The following DCC variants were observed in gnomAD, a reference collection of about 807,000 sequenced individuals.
DCC encodes the protein DCC netrin 1 receptor, also known as netrin receptor DCC.
Under a neutral mutation model 172.5 loss-of-function variants are expected in DCC, and 58 were observed. That is an observed-to-expected ratio of 0.34 (90% CI 0.27 to 0.42). The LOEUF (loss-of-function observed/expected upper bound fraction) is 0.42. Among genes scored for constraint, DCC ranks in the 10% least tolerant of loss-of-function variants. DCC has a pLI of 1.00. For missense variants in DCC, 1,740 were observed against 1,791.0 expected (o/e 0.97, Z 0.51); for synonymous variants, 709 against 644.5 (o/e 1.10, Z -1.52).
At chr18:52,774,282 T>C (rs1438408820) in intron 2 of DCC, among the ~76,000 whole-genome samples, 1 of 152,166 alleles carries the variant, frequency 6.6e-6, no homozygotes, top group Non-Finnish European at 1.5e-5. Flanking sequence ...CACTCAAGTA[T>C]AAAAACTACT....
chr18:52,688,483 A>G (rs1242988032), intron 1 of DCC, among the ~76,000 whole-genome samples: 2 of 152,136 alleles, frequency 1.3e-5, no homozygotes, highest in Non-Finnish European at 2.9e-5. Flanking sequence ...AAAATGCTAC[A>G]AAAAGAAGGA....
intron 21 of DCC, among the ~76,000 whole-genome samples, chr18:53,424,039 A>G (rs571483347): frequency 1.3e-5 from 2 of 152,360 alleles, no homozygotes; most frequent in African/African-American, 4.8e-5. Flanking sequence ...AGGAAAAAGT[A>G]TATTCAATAA....
chr18:52,902,439 T>A (rs2039823388), intron 2 of DCC, among the ~76,000 whole-genome samples: 1 of 152,190 alleles, frequency 6.6e-6, no homozygotes, highest in African/African-American at 2.4e-5. Flanking sequence ...AACCAGGCTT[T>A]TTCCATGAAT....
At chr18:53,491,898 C>T (rs1006104815) in intron 26 of DCC, among the ~76,000 whole-genome samples, 1 of 152,192 alleles carries the variant, frequency 6.6e-6, no homozygotes, top group African/African-American at 2.4e-5. Context: ...CTGTCTTCCA[C>T]AATGGTTGAG....
intron 5 of DCC, among the ~76,000 whole-genome samples, chr18:52,933,245 A>G (rs2040334161): frequency 6.6e-6 from 1 of 152,118 alleles, no homozygotes; most frequent in Non-Finnish European, 1.5e-5. Flanking sequence ...CATTCCGCCA[A>G]GTAGTCTTTG....
intron 1 of DCC, among the ~76,000 whole-genome samples, chr18:52,671,847 A>G (rs948608631): frequency 6.6e-6 from 1 of 152,026 alleles, no homozygotes; most frequent in Non-Finnish European, 1.5e-5. Context: ...CATATGCTGA[A>G]CTTTTTCCCA....
intron 1 of DCC, among the ~76,000 whole-genome samples, chr18:52,702,720 G>A (rs952977288): frequency 6.6e-6 from 1 of 152,026 alleles, no homozygotes; most frequent in Non-Finnish European, 1.5e-5. Flanking sequence ...TGGCCTTGTG[G>A]GGAATTCACA....
intron 1 of DCC, among the ~76,000 whole-genome samples, chr18:52,389,783 CA>C (rs1370475756): frequency 2.6e-5 from 4 of 152,026 alleles, no homozygotes; most frequent in Non-Finnish European, 5.9e-5. Context: ...GGTCCTCCAT[CA>C]TTTGATTTAT....
intron 1 of DCC, among the ~76,000 whole-genome samples, chr18:52,448,770 C>T (rs907730409): frequency 6.6e-6 from 1 of 152,190 alleles, no homozygotes; most frequent in Non-Finnish European, 1.5e-5. Context: ...GAGTGAGTAA[C>T]ACTTTGTACT....
At chr18:52,927,151 A>ATATACGTATATACGTG (rs1568192226) in intron 5 of DCC, among the ~76,000 whole-genome samples, 1 of 60,270 alleles carries the variant, frequency 1.7e-5, no homozygotes, top group Non-Finnish European at 4.0e-5. Flanking sequence ...ATATATGTGT[A>ATATACGTATATACGTG]TATATACGTA....
At chr18:53,044,352 A>G (rs1345413741) in intron 5 of DCC, among the ~76,000 whole-genome samples, 1 of 151,890 alleles carries the variant, frequency 6.6e-6, no homozygotes. Flanking sequence ...GATAACTTGC[A>G]TAGTATGTAT....
chr18:53,129,362 G>A (rs1371649028), intron 7 of DCC, among the ~76,000 whole-genome samples: 2 of 151,990 alleles, frequency 1.3e-5, no homozygotes, highest in Admixed American at 6.6e-5. Context: ...CACATCTCAA[G>A]TGTTGAGTTC....
intron 1 of DCC, among the ~76,000 whole-genome samples, chr18:52,549,148 T>C (rs1423370186): frequency 6.6e-6 from 1 of 152,018 alleles, no homozygotes; most frequent in East Asian, 1.9e-4. Context: ...TGGAATTTGA[T>C]CTAGTATTTG....
At chr18:53,355,209 G>A (rs1053944688) in intron 15 of DCC, among the ~76,000 whole-genome samples, 2 of 152,160 alleles carry the variant, frequency 1.3e-5, no homozygotes, top group Non-Finnish European at 2.9e-5. Context: ...CAGGTAGCAT[G>A]ATGCTTCCAG....
At chr18:53,123,031 C>T (rs1462571349) in intron 7 of DCC, among the ~76,000 whole-genome samples, 3 of 151,984 alleles carry the variant, frequency 2.0e-5, no homozygotes, top group African/African-American at 7.2e-5. Flanking sequence ...CTGTACAGAT[C>T]ATCGTGAGCA....
At chr18:52,395,776 CT>C (rs1428804817) in intron 1 of DCC, among the ~76,000 whole-genome samples, 4 of 151,962 alleles carry the variant, frequency 2.6e-5, no homozygotes, top group Non-Finnish European at 4.4e-5. Context: ...GTCATGGCTC[CT>C]CCTGAAGTCA....
intron 1 of DCC, among the ~76,000 whole-genome samples, chr18:52,518,548 T>C (rs1188220938): frequency 1.3e-5 from 2 of 152,218 alleles, no homozygotes; most frequent in South Asian, 4.1e-4. Context: ...ACTGAAATCC[T>C]TCTGACTTGG....
chr18:53,440,468 G>T (rs1351569493), intron 22 of DCC, among the ~76,000 whole-genome samples: 1 of 149,868 alleles, frequency 6.7e-6, no homozygotes, highest in Admixed American at 6.7e-5. Context: ...TGTCAGAAAA[G>T]AAGCAGTTTG....
intron 2 of DCC, among the ~76,000 whole-genome samples, chr18:52,891,116 A>G (rs2039643736): frequency 6.6e-6 from 1 of 152,120 alleles, no homozygotes; most frequent in Non-Finnish European, 1.5e-5. Context: ...TGTTCAAATT[A>G]ATGCTCAAAT....
Sources: allele counts gnomAD v4.1 joint callset (sites outside exome capture counted in the v4.1 genomes callset), GRCh38; gene constraint gnomAD v4.1.1; transcripts MANE v1.5; gene names NCBI Gene and HGNC (gene_info 2026-07-23, HGNC 2026-07-21).